PTPN14: variants seen among roughly 807,000 people sequenced by gnomAD.
PTPN14 encodes the protein tyrosine-protein phosphatase non-receptor type 14.
A neutral mutation model predicts 126.8 loss-of-function variants in PTPN14; 53 were observed. The ratio of observed to expected loss-of-function variants is 0.42; its 90% CI spans 0.34 to 0.53. The LOEUF is 0.53. PTPN14 is among the 20% of genes least tolerant of loss of function. PTPN14 has a pLI of 0.08. For synonymous variants in PTPN14, 630 were observed against 599.3 expected, an observed-to-expected ratio of 1.05 and a Z score of -0.75; for missense variants, 1,257 against 1,552.9, an observed-to-expected ratio of 0.81 and a Z score of 3.20.
In PTPN14 at chr1:214,355,867, T is replaced by C. The variant is rs940178719; in HGVS notation, c.*2055A>G. The C allele has an allele frequency of 6.6e-6, 1 of 152,068 alleles. No individual in the cohort carries two copies. The highest frequency in any genetic ancestry group is 2.4e-5 in the African/African-American group (1 of 41,396). The allele number at this position is 152,068 out of a possible 1,614,324, so 9.4% of individuals were successfully genotyped here. A position where few individuals can be genotyped will look rare whatever the true frequency, so the allele number is the denominator to read the frequency against. Reference sequence around the variant, plus strand: ...AAAAGCAGCAATGAAGAAAGGCATATGGAACTCTCACAGCAGTCAATTCTA... The same window carrying C: ...AAAAGCAGCAATGAAGAAAGGCATACGGAACTCTCACAGCAGTCAATTCTA... On this transcript the variant is annotated 3_prime_UTR_variant, in exon 19 of 19. Coordinates refer to ENST00000366956, the MANE Select transcript of PTPN14 (RefSeq NM_005401.5).
chr1:214,421,375 T>C (rs1659540145), intron 3 of PTPN14, among the ~76,000 whole-genome samples: 1 of 152,142 alleles, frequency 6.6e-6, no homozygotes, highest in Admixed American at 6.5e-5. Context: ...AATAGACGAA[T>C]GGTTGCCAGA....
chr1:214,385,457 C>T (rs933075524), intron 12 of PTPN14, among the ~76,000 whole-genome samples: 8 of 150,346 alleles, frequency 5.3e-5, no homozygotes, highest in African/African-American at 2.0e-4. Flanking sequence ...TAAAGAGGTA[C>T]CTAAAGAGAG....
Position 214,521,838 on chromosome 1 carries a change from T to A in PTPN14, c.-155+29345A>T, listed in dbSNP as rs1447863108. On this transcript the variant is annotated intron_variant, in intron 1 of 18. Transcript: ENST00000366956. ...GTATGGGCAGAACTGATGCAGCACA[T>A]CCCCCAGTTGTTTGTCAGAAGGTAC... is the stretch of plus-strand genomic sequence containing the variant. Among the ~76,000 whole-genome samples the A allele has an allele frequency of 2.7e-5, 4 of 149,936 alleles. No individual in the cohort carries two copies. In the South Asian group the frequency reaches 8.4e-4, roughly 32 times the overall value.
chr1:214,446,923 C>G (rs1660157428), intron 3 of PTPN14, among the ~76,000 whole-genome samples: 1 of 152,128 alleles, frequency 6.6e-6, no homozygotes, highest in Non-Finnish European at 1.5e-5. Context: ...TTTTTTTCAG[C>G]ACAGATGGCT....
At chr1:214,520,065 A>AAAATATATATATATAT in intron 1 of PTPN14, among the ~76,000 whole-genome samples, 29 of 71,108 alleles carry the variant, frequency 4.1e-4, no homozygotes, top group East Asian at 1.4e-3. Context: ...AAAAAAAAAA[A>AAAATATATATATATAT]ATATATATAT....
At chr1:214,362,146 C>T (rs1657970819) in intron 18 of PTPN14, among the ~76,000 whole-genome samples, 1 of 152,192 alleles carries the variant, frequency 6.6e-6, no homozygotes, top group South Asian at 2.1e-4. Flanking sequence ...ACATGGTCTA[C>T]TCTTCTCCTG....
At chr1:214,544,802 AAAGAGGAGGG>A (rs1217404260) in intron 1 of PTPN14, among the ~76,000 whole-genome samples, 1 of 151,630 alleles carries the variant, frequency 6.6e-6, no homozygotes, top group Non-Finnish European at 1.5e-5. Flanking sequence ...CAGAGAGAAA[AAAGAGGAGGG>A]AAGAGGAGGT....
chr1:214,530,768 C>G (rs928649387), intron 1 of PTPN14: 4 of 148,542 alleles, frequency 2.7e-5, no homozygotes, highest in African/African-American at 1.0e-4. Flanking sequence ...AAAATATTTA[C>G]GACGAGTACG....
At chr1:214,484,440 G>C (rs1558124240) in intron 1 of PTPN14, among the ~76,000 whole-genome samples, 1 of 152,152 alleles carries the variant, frequency 6.6e-6, no homozygotes, top group Non-Finnish European at 1.5e-5. Flanking sequence ...ACATGAATTT[G>C]GAATTAGAAG....
intron 13 of PTPN14, among the ~76,000 whole-genome samples, chr1:214,381,263 T>C (rs1658466098): frequency 6.6e-6 from 1 of 152,228 alleles, no homozygotes; most frequent in Admixed American, 6.5e-5. Context: ...CATCATTAAG[T>C]ATCAAGTTGG....
chr1:214,356,744 A>G lies in PTPN14; in HGVS notation c.*1178T>C, dbSNP rs192952322. On this transcript the variant is annotated 3_prime_UTR_variant, in exon 19 of 19. Coordinates refer to ENST00000366956, the MANE Select transcript of PTPN14 (RefSeq NM_005401.5). The stretch of plus-strand genomic sequence containing the variant: ...GGGATTAATTCTGATCTTGCAGACC[A>G]AAGCCTGAAGATGATATCAGCACAG... The G allele has an allele frequency of 1.1e-4, 16 of 152,328 alleles. No homozygotes were observed. The highest frequency in any genetic ancestry group is 1.8e-4 in the Non-Finnish European group (12 of 68,034). 9.4% of individuals were successfully genotyped at this position (152,328 alleles called of 1,614,324 possible). A position where few individuals can be genotyped will look rare whatever the true frequency, so the allele number is the denominator to read the frequency against.
At chr1:214,504,654 T>C (rs755850547) in intron 1 of PTPN14, among the ~76,000 whole-genome samples, 9 of 152,100 alleles carry the variant, frequency 5.9e-5, no homozygotes, top group Non-Finnish European at 8.8e-5. Context: ...ATTAAATTAT[T>C]TCCAAGGCAC....
At chr1:214,526,036 G>A (rs893093121) in intron 1 of PTPN14, among the ~76,000 whole-genome samples, 2 of 150,130 alleles carry the variant, frequency 1.3e-5, no homozygotes, top group Middle Eastern at 3.4e-3. Flanking sequence ...CATGATTTCA[G>A]CTCGCTGCAG....
At chr1:214,496,589 G>T (rs1654519509) in intron 1 of PTPN14, among the ~76,000 whole-genome samples, 1 of 152,138 alleles carries the variant, frequency 6.6e-6, no homozygotes, top group Admixed American at 6.5e-5. Context: ...GATAAAAGCA[G>T]AACTGATTTG....
In PTPN14 at chr1:214,384,353, C is replaced by A. The variant is rs768029636; in HGVS notation, c.1502G>T (p.Gly501Val). ...TTTGTTGCTGTAGACCCCCTGTGGC[C>A]CATAAGGGACAGTGTAGGGGTGCCT... The part of the protein sequence containing the change: ...RERHPYTVPY[G>V]PQGVYSNKLV... The change falls in exon 13 of 19, where the codon GGG becomes GTG. Residue 501 changes from glycine (G) to valine (V), a missense_variant. By Grantham distance (109) the Gly-to-Val change is moderately radical. Transcript: ENST00000366956. This position sits in a 1 kb window ranked among gnomAD's most constrained non-coding sequence, Gnocchi z 5.3. The A allele has an allele frequency of 1.2e-6, 2 of 1,614,084 alleles. No homozygotes were observed. The highest frequency in any genetic ancestry group is 1.7e-6 in the Non-Finnish European group (2 of 1,180,018).
At chr1:214,450,168 C>T (rs1175734708) in intron 3 of PTPN14, among the ~76,000 whole-genome samples, 3 of 71,680 alleles carry the variant, frequency 4.2e-5, no homozygotes, top group South Asian at 4.2e-4. Flanking sequence ...AAATAAAAGC[C>T]AAATTAAAGA....
chr1:214,544,646 G>A (rs1331521027), intron 1 of PTPN14, among the ~76,000 whole-genome samples: 1 of 152,012 alleles, frequency 6.6e-6, no homozygotes, highest in Non-Finnish European at 1.5e-5. Context: ...AGCTACTCAG[G>A]AGGCTGAGGT....
In PTPN14 at chr1:214,427,774, G is replaced by A. The variant is rs74139871; in HGVS notation, c.345-13048C>T. On this transcript the variant is annotated intron_variant, in intron 3 of 18. Transcript: ENST00000366956. ...GGTTTCTCTAATAAAAGCGAACTCTGAGCAAAGATCTGAAAAAAAAATGAG... is the reference window on the plus strand; with the variant it reads ...GGTTTCTCTAATAAAAGCGAACTCTAAGCAAAGATCTGAAAAAAAAATGAG... 5.2e-3 allele frequency among the ~76,000 whole-genome samples: 787 copies of A among 152,146 alleles called. 7 individuals carry two copies. Among genetic ancestry groups the A allele is most frequent in the African/African-American group, 0.018 (748 of 41,512 alleles).
chr1:214,496,842 A>G (rs556734852), intron 1 of PTPN14, among the ~76,000 whole-genome samples: 2 of 151,752 alleles, frequency 1.3e-5, no homozygotes, highest in South Asian at 2.1e-4. Flanking sequence ...AAATATATCA[A>G]TTTTCATGAT....
Sources: allele counts gnomAD v4.1 joint callset (sites outside exome capture counted in the v4.1 genomes callset), GRCh38; gene constraint gnomAD v4.1.1; non-coding constraint Gnocchi (gnomAD v3.1); transcripts MANE v1.5; gene names NCBI Gene and HGNC (gene_info 2026-07-23, HGNC 2026-07-21).